The following SORCS2 variants were observed in gnomAD, a reference collection of about 807,000 sequenced individuals.
SORCS2 encodes VPS10 domain-containing receptor SorCS2.
In SORCS2, 100 loss-of-function variants were observed where a neutral mutation model predicts 141.6. The ratio of observed to expected loss-of-function variants is 0.71; its 90% CI spans 0.60 to 0.83. The LOEUF (loss-of-function observed/expected upper bound fraction) is 0.83. SORCS2 is among the 40% of genes least tolerant of loss of function. The pLI is 0.00. For missense variants in SORCS2, 1,646 were observed against 1,560.2 expected (o/e 1.05, Z -0.93); for synonymous variants, 789 against 676.9 (o/e 1.17, Z -2.57).
chr4:7,689,541 G>A lies in SORCS2; in HGVS notation c.1544G>A (p.Gly515Asp), dbSNP rs750453288. The A allele has an allele frequency of 5.6e-6, 9 of 1,606,964 alleles. No homozygotes were observed. Among genetic ancestry groups the A allele is most frequent in the Non-Finnish European group, 7.6e-6 (9 of 1,177,326 alleles). ...LRWADNPYVS[G>D]TVHTKDTAPG... ...TGGGCAGACAACCCCTACGTATCAG[G>A]CACCGTGCACACCAAGGACACCGCC... The change falls in exon 11 of 27, where the codon GGC becomes GAC. Residue 515 changes from glycine to aspartate, a missense_variant. Transcript: ENST00000507866.
chr4:7,740,875 T>G lies in SORCS2; in HGVS notation c.*611T>G, dbSNP rs1712616172. 2 of 394,618 alleles carry G rather than the reference T, an allele frequency of 5.1e-6. No homozygotes were observed. Among genetic ancestry groups the G allele is most frequent in the Non-Finnish European group, 8.9e-6 (2 of 224,330 alleles). The allele number at this position is 394,618 out of a possible 1,614,324, so 24.4% of individuals were successfully genotyped here. On this transcript the variant is annotated 3_prime_UTR_variant, in exon 27 of 27. Transcript: ENST00000507866. The stretch of plus-strand genomic sequence containing the variant: ...GGTGGGGGTGTCTCACTCTCTGTCT[T>G]TATAGCCGGCGGTAGCCACCGGGGT...
At chr4:7,194,394 G>A (rs1727044679) in intron 1 of SORCS2, among the ~76,000 whole-genome samples, 1 of 152,224 alleles carries the variant, frequency 6.6e-6, no homozygotes, top group Non-Finnish European at 1.5e-5. Flanking sequence ...GATTTGTGCT[G>A]GAGGAGGGAT....
In SORCS2 at chr4:7,740,418, A is replaced by C; in HGVS notation, c.*154A>C. 1.5e-6 allele frequency: 1 copy of C among 679,340 alleles called. No individual in the cohort carries two copies. The highest frequency in any genetic ancestry group is 2.5e-6 in the Non-Finnish European group (1 of 397,268). 42.1% of individuals were successfully genotyped at this position (679,340 alleles called of 1,614,324 possible). A position where few individuals can be genotyped will look rare whatever the true frequency, so the allele number is the denominator to read the frequency against. ...AGGCACCACCCCCTCTGATAAATCCAAGCCCGCCCAGGCCCACGGGGGGCC... is the reference window on the plus strand; with the variant it reads ...AGGCACCACCCCCTCTGATAAATCCCAGCCCGCCCAGGCCCACGGGGGGCC... On this transcript the variant is annotated 3_prime_UTR_variant, in exon 27 of 27. Coordinates refer to ENST00000507866, the MANE Select transcript of SORCS2 (RefSeq NM_020777.3).
intron 1 of SORCS2, among the ~76,000 whole-genome samples, chr4:7,212,445 C>T (rs1302342466): frequency 6.6e-6 from 1 of 152,238 alleles, no homozygotes; most frequent in Non-Finnish European, 1.5e-5. Flanking sequence ...AATTCCTAAG[C>T]TCACAGAACC....
chr4:7,433,355 C>A, intron 2 of SORCS2: 2 of 1,439,016 alleles, frequency 1.4e-6, no homozygotes, highest in Non-Finnish European at 1.8e-6. Flanking sequence ...TCTTTCCATA[C>A]ATGCTTCTGG....
chr4:7,613,243 T>C (rs1373290964), intron 3 of SORCS2, among the ~76,000 whole-genome samples: 1 of 152,218 alleles, frequency 6.6e-6, no homozygotes, highest in African/African-American at 2.4e-5. Context: ...AGAAATTAAA[T>C]ACATTTGTTG....
intron 2 of SORCS2, among the ~76,000 whole-genome samples, chr4:7,404,635 C>A (rs149083104): frequency 2.0e-5 from 3 of 152,102 alleles, no homozygotes; most frequent in African/African-American, 7.2e-5. Flanking sequence ...TGCCTGTCGA[C>A]CATGTGTATG....
chr4:7,493,366 ATT>A (rs1467976232), intron 2 of SORCS2, among the ~76,000 whole-genome samples: 1 of 152,200 alleles, frequency 6.6e-6, no homozygotes, highest in Non-Finnish European at 1.5e-5. Context: ...TTTCCCTCTG[ATT>A]CTTCAGAAAA....
intron 1 of SORCS2, among the ~76,000 whole-genome samples, chr4:7,242,300 A>G (rs1056404811): frequency 6.6e-6 from 1 of 152,022 alleles, no homozygotes; most frequent in Non-Finnish European, 1.5e-5. Context: ...GGCTCAAGGG[A>G]TTATCCAACT....
At chr4:7,569,474 T>C (rs1219912255) in intron 3 of SORCS2, among the ~76,000 whole-genome samples, 1 of 152,194 alleles carries the variant, frequency 6.6e-6, no homozygotes, top group Non-Finnish European at 1.5e-5. Context: ...ATCGCATTAC[T>C]TCACTCCAGC....
At chr4:7,511,335 T>G (rs1732627170) in intron 2 of SORCS2, among the ~76,000 whole-genome samples, 1 of 125,492 alleles carries the variant, frequency 8.0e-6, no homozygotes. Flanking sequence ...AATACACAAC[T>G]AGAGAGAGGG....
chr4:7,499,435 G>A (rs1022066923), intron 2 of SORCS2, among the ~76,000 whole-genome samples: 2 of 152,178 alleles, frequency 1.3e-5, no homozygotes, highest in African/African-American at 4.8e-5. Flanking sequence ...AGAGGTTCCA[G>A]GGATGCCACT....
At chr4:7,639,650 AATGT>A (rs1454520258) in intron 4 of SORCS2, among the ~76,000 whole-genome samples, 1 of 147,244 alleles carries the variant, frequency 6.8e-6, no homozygotes, top group African/African-American at 2.5e-5. Flanking sequence ...TGTGTATATG[AATGT>A]GAGTGTGTGC....
intron 3 of SORCS2, among the ~76,000 whole-genome samples, chr4:7,560,990 G>C (rs1484642618): frequency 1.3e-5 from 2 of 151,770 alleles, no homozygotes; most frequent in Non-Finnish European, 3.0e-5. Flanking sequence ...GCCATATTTG[G>C]GGACTGCAGT....
intron 3 of SORCS2, among the ~76,000 whole-genome samples, chr4:7,552,039 C>T (rs74823344): frequency 0.03 from 4,552 of 152,288 alleles, 86 homozygotes; most frequent in Middle Eastern, 0.051. Context: ...CCTAAGGATG[C>T]TGCCGAGATA....
intron 8 of SORCS2, among the ~76,000 whole-genome samples, chr4:7,672,176 C>G (rs1050417501): frequency 2.6e-5 from 4 of 152,162 alleles, no homozygotes; most frequent in Admixed American, 2.6e-4. Context: ...CTCCTGACCT[C>G]AAGTGATCCA....
intron 1 of SORCS2, among the ~76,000 whole-genome samples, chr4:7,292,520 C>T (rs1417724288): frequency 6.6e-6 from 1 of 152,134 alleles, no homozygotes; most frequent in African/African-American, 2.4e-5. Context: ...CAGGGAGAAT[C>T]AATGTAACTT....
At chr4:7,463,837 G>C (rs767526605) in intron 2 of SORCS2, among the ~76,000 whole-genome samples, 7 of 152,182 alleles carry the variant, frequency 4.6e-5, no homozygotes, top group Non-Finnish European at 8.8e-5. Context: ...GACTGGTGTG[G>C]AATTGGTTTC....
At chr4:7,539,630 T>C (rs939646388) in intron 3 of SORCS2, among the ~76,000 whole-genome samples, 27 of 151,260 alleles carry the variant, frequency 1.8e-4, no homozygotes, top group Non-Finnish European at 3.2e-4. Flanking sequence ...CCCTCCACTC[T>C]GAACCCCTGC....
Sources: gnomAD v4.1 joint callset for allele counts (sites outside exome capture counted in the v4.1 genomes callset) on GRCh38, gnomAD v4.1.1 for gene constraint, MANE v1.5 for transcripts, NCBI Gene and HGNC (gene_info 2026-07-23, HGNC 2026-07-21) for gene names.